The following C5orf52 variants were observed in gnomAD, a reference collection of about 807,000 sequenced individuals.
The protein encoded by C5orf52 is uncharacterized protein C5orf52.
A neutral mutation model predicts 16.8 loss-of-function variants in C5orf52; 15 were observed. The observed-to-expected ratio is 0.89, with a 90% confidence interval of 0.60 to 1.38. C5orf52 has a LOEUF of 1.38. Ranked by LOEUF, C5orf52 falls within the 40% of genes most tolerant of loss-of-function variation. The pLI is 0.00. For missense variants in C5orf52, 206 were observed against 213.1 expected, an observed-to-expected ratio of 0.97 and a Z score of 0.21; for synonymous variants, 83 against 87.2, an observed-to-expected ratio of 0.95 and a Z score of 0.27.
chr5:157,672,345 C>G (rs1289306201), intron 1 of C5orf52, among the ~76,000 whole-genome samples: 1 of 152,152 alleles, frequency 6.6e-6, no homozygotes, highest in Admixed American at 6.5e-5. Flanking sequence ...CACAAACCCC[C>G]CTCACTGCAT....
chr5:157,677,408 C>A (rs1759916204), intron 2 of C5orf52, among the ~76,000 whole-genome samples: 1 of 152,122 alleles, frequency 6.6e-6, no homozygotes, highest in Admixed American at 6.5e-5. Flanking sequence ...GTGGCTCACG[C>A]ACTTTGGAAG....
At chr5:157,672,471 T>C (rs1759814265) in intron 1 of C5orf52, among the ~76,000 whole-genome samples, 1 of 152,118 alleles carries the variant, frequency 6.6e-6, no homozygotes, top group Non-Finnish European at 1.5e-5. Context: ...CCTTCTAGTA[T>C]TGGTAAATTT....
rs1163892670 is a variant in C5orf52 at position 157,671,815 on chromosome 5, G to A, written c.201G>A (p.Pro67=). The A allele has an allele frequency of 6.5e-7, 1 of 1,535,664 alleles. No homozygotes were observed. The highest frequency in any genetic ancestry group is 8.8e-7 in the Non-Finnish European group (1 of 1,138,742). Residue 67 remains proline, a synonymous_variant, in exon 1 of 3, where the codon CCG becomes CCA. Transcript: ENST00000409999. ...CFPRPRSAQQ[P]VLFSLMNSSE... ...CGCGGCCGAGGTCCGCGCAGCAGCC[G>A]GTGCTGTTCAGGTGTGGCCCGCATG...
chr5:157,673,256 G>A (rs1759831261), intron 1 of C5orf52, among the ~76,000 whole-genome samples: 2 of 151,982 alleles, frequency 1.3e-5, no homozygotes, highest in South Asian at 4.2e-4. Context: ...AGGATTGCTT[G>A]AGCCTGGGAG....
chr5:157,677,343 G>A (rs1313676140), intron 2 of C5orf52, among the ~76,000 whole-genome samples: 1 of 152,112 alleles, frequency 6.6e-6, no homozygotes, highest in Admixed American at 6.5e-5. Context: ...AGTTGAGAGA[G>A]GCCAAAAAGC....
rs1444845633 is a variant in C5orf52 at position 157,679,995 on chromosome 5, T to C, written c.476T>C (p.Val159Ala). The C allele has an allele frequency of 1.5e-5, 24 of 1,550,800 alleles. No homozygotes were observed. Among genetic ancestry groups the C allele is most frequent in the Non-Finnish European group, 2.0e-5 (23 of 1,146,808 alleles). Residue 159 changes from valine to alanine, a missense_variant, in exon 3 of 3, where the codon GTT becomes GCT. Val to Ala is a moderately conservative substitution (Grantham distance 64). Transcript: ENST00000409999. The part of the protein sequence containing the change: ...RYLTFGIPPP[V>A] ...TTAACCTTCGGGATACCACCACCAGTTTAAACTCCAGTCTCCCAAGAAAGG... is the reference window on the plus strand; with the variant it reads ...TTAACCTTCGGGATACCACCACCAGCTTAAACTCCAGTCTCCCAAGAAAGG...
At chr5:157,679,519 C>T (rs550653902) in intron 2 of C5orf52, among the ~76,000 whole-genome samples, 6 of 152,100 alleles carry the variant, frequency 3.9e-5, no homozygotes, top group South Asian at 2.1e-4. Flanking sequence ...GTATTTTCAG[C>T]GGAGACAGGG....
chr5:157,680,008 C>G lies in C5orf52; in HGVS notation c.*9C>G, dbSNP rs368953861. On this transcript the variant is annotated 3_prime_UTR_variant, in exon 3 of 3. Transcript: ENST00000409999. The stretch of plus-strand genomic sequence containing the variant: ...TACCACCACCAGTTTAAACTCCAGT[C>G]TCCCAAGAAAGGCCAACCACCCTAG... 1.3e-4 allele frequency: 200 copies of G among 1,550,364 alleles called. No individual in the cohort carries two copies. The African/African-American group carries it at 1.8e-3, about 14-fold the overall frequency.
intron 2 of C5orf52, among the ~76,000 whole-genome samples, chr5:157,675,811 C>G (rs138004133): frequency 5.9e-5 from 9 of 152,260 alleles, no homozygotes; most frequent in African/African-American, 1.7e-4. Context: ...GGGATTATCC[C>G]CATTTTCCAG....
Position 157,671,734 on chromosome 5 carries a change from T to C in C5orf52, c.120T>C (p.Asp40=). 6.4e-6 allele frequency: 10 copies of C among 1,551,232 alleles called. No individual in the cohort carries two copies. Among genetic ancestry groups the C allele is most frequent in the Non-Finnish European group, 8.7e-6 (10 of 1,146,820 alleles). ...CCTCGGGTTCGAACTACCAGCGCGA[T>C]AGACTCGGCCGCCGCCCAGAAATCG... ...SATSGSNYQR[D]RLGRRPEIGV... is the part of the protein sequence containing the mutation. Residue 40 remains aspartate (D), a synonymous_variant, in exon 1 of 3, where the codon GAT becomes GAC. Transcript: ENST00000409999.
intron 1 of C5orf52, among the ~76,000 whole-genome samples, chr5:157,674,637 G>A (rs943375608): frequency 5.3e-5 from 8 of 152,228 alleles, no homozygotes; most frequent in African/African-American, 1.9e-4. Flanking sequence ...GCATGGTGGC[G>A]AGTGCCTGTA....
upstream of C5orf52, chr5:157,671,186 A>C (rs1291075031): frequency 2.4e-5 from 4 of 166,586 alleles, no homozygotes; most frequent in Non-Finnish European, 3.9e-5. Context: ...TCGTCGCAGA[A>C]AGGAATCGCC....
chr5:157,672,103 A>G (rs556124376), intron 1 of C5orf52, among the ~76,000 whole-genome samples: 1 of 152,190 alleles, frequency 6.6e-6, no homozygotes, highest in Non-Finnish European at 1.5e-5. Flanking sequence ...TTTTCTCAGA[A>G]TCGGTCCTGG....
intron 1 of C5orf52, among the ~76,000 whole-genome samples, chr5:157,672,601 G>C (rs1759817855): frequency 6.6e-6 from 1 of 152,000 alleles, no homozygotes; most frequent in Admixed American, 6.6e-5. Flanking sequence ...TGAGCATCTT[G>C]ATCTCTAAAC....
At chr5:157,679,340 A>G (rs1365897524) in intron 2 of C5orf52, among the ~76,000 whole-genome samples, 1 of 151,968 alleles carries the variant, frequency 6.6e-6, no homozygotes, top group Non-Finnish European at 1.5e-5. Flanking sequence ...AGAAGAAATA[A>G]GTAGAATTCA....
chr5:157,671,934 C>T (rs1345895423), intron 1 of C5orf52, 108 bp downstream of exon 1: 3 of 694,068 alleles, frequency 4.3e-6, no homozygotes, highest in Non-Finnish European at 6.8e-6. Flanking sequence ...CTTTTTCACA[C>T]CCCAGGATAG....
At chr5:157,676,879 T>C (rs1007650908) in intron 2 of C5orf52, among the ~76,000 whole-genome samples, 4 of 117,932 alleles carry the variant, frequency 3.4e-5, no homozygotes, top group Admixed American at 8.0e-5. Flanking sequence ...TTCTTTTTTT[T>C]TTTTTTTGAG....
At chr5:157,673,723 C>CG (rs1759840707) in intron 1 of C5orf52, among the ~76,000 whole-genome samples, 1 of 152,006 alleles carries the variant, frequency 6.6e-6, no homozygotes, top group Non-Finnish European at 1.5e-5. Context: ...TAGTTCACTG[C>CG]AACCTCCGCC....
At position 157,671,550 on chromosome 5, in the gene C5orf52, G is replaced by T. The variant is rs1759790168; in HGVS notation, c.-65G>T. ...AGGGACTCACTCCGCGTCAGCGCGC[G>T]CCCACCTAGGTGGGCTGGCAACCAG... On this transcript the variant is annotated 5_prime_UTR_variant, in exon 1 of 3. Coordinates refer to ENST00000409999, the MANE Select transcript of C5orf52 (RefSeq NM_001145132.2). 7.2e-7 allele frequency: 1 copy of T among 1,384,872 alleles called. No individual in the cohort carries two copies. 85.8% of individuals were successfully genotyped at this position (1,384,872 alleles called of 1,614,324 possible).
Sources: gnomAD v4.1 joint callset for allele counts (sites outside exome capture counted in the v4.1 genomes callset) on GRCh38, gnomAD v4.1.1 for gene constraint, MANE v1.5 for transcripts, NCBI Gene and HGNC (gene_info 2026-07-23, HGNC 2026-07-21) for gene names.